The following TARS3 variants were observed in gnomAD, a reference collection of about 807,000 sequenced individuals.
TARS3 encodes threonine--tRNA ligase 2, cytoplasmic.
Under a neutral mutation model 103.5 loss-of-function variants are expected in TARS3, and 94 were observed. The ratio of observed to expected loss-of-function variants is 0.91; its 90% CI spans 0.77 to 1.08. TARS3 has a LOEUF of 1.08. TARS3 is among the 50% of genes least tolerant of loss of function. The pLI, the probability that TARS3 is intolerant of heterozygous loss-of-function variation, is 0.00. For missense variants in TARS3, 952 were observed against 995.2 expected (o/e 0.96, Z 0.58); for synonymous variants, 416 against 355.4 (o/e 1.17, Z -1.92).
chr15:101,707,145 T>A (rs1226179614), intron 6 of TARS3, among the ~76,000 whole-genome samples: 2 of 152,018 alleles, frequency 1.3e-5, no homozygotes, highest in African/African-American at 4.8e-5. Context: ...AGATACCACT[T>A]CACAACCATT....
chr15:101,676,905 A>C (rs1482502483), intron 12 of TARS3, among the ~76,000 whole-genome samples: 1 of 150,886 alleles, frequency 6.6e-6, no homozygotes, highest in Non-Finnish European at 1.5e-5. Context: ...TGAACCCGTC[A>C]CCTAAGTATT....
At position 101,711,154 on chromosome 15, in the gene TARS3, C is replaced by G. The variant is rs191447601; in HGVS notation, c.812+726G>C. ...AACTAGCCTCTCTCTAGGAATTAAGCTTTCAATTCTGGTCTTAATTAATAC... is the reference window on the plus strand; with the variant it reads ...AACTAGCCTCTCTCTAGGAATTAAGGTTTCAATTCTGGTCTTAATTAATAC... On this transcript the variant is annotated intron_variant, in intron 5 of 18. Transcript: ENST00000335968. Among the ~76,000 whole-genome samples the G allele has an allele frequency of 2.2e-3, 337 of 152,282 alleles. 1 individual carries two copies. Among genetic ancestry groups the G allele is most frequent in the African/African-American group, 7.6e-3 (315 of 41,554 alleles).
At chr15:101,662,271 GA>G (rs149604246) in intron 15 of TARS3, among the ~76,000 whole-genome samples, 3 of 150,020 alleles carry the variant, frequency 2.0e-5, no homozygotes, top group Non-Finnish European at 3.0e-5. Context: ...TTCCCCTTAG[GA>G]AAAAAAAATG....
At position 101,721,127 on chromosome 15, in the gene TARS3, T is replaced by A; in HGVS notation, c.565A>T (p.Ser189Cys). The change falls in exon 3 of 19, where the codon AGT becomes TGT. Residue 189 changes from serine (S) to cysteine (C), a missense_variant and splice_region_variant. Ser to Cys is a moderately radical substitution (Grantham distance 112). Transcript: ENST00000335968. ...TATCTTTTCCACACTGCGGTTTACC[T>A]AATTTCAGCAGCCACTTGGTAAGGC... ...TTPYQVAAEI[S>C]QELAESTVIA... 1 of 1,595,024 alleles carries A rather than the reference T, an allele frequency of 6.3e-7. No homozygotes were observed. Among genetic ancestry groups the A allele is most frequent in the East Asian group, 2.3e-5 (1 of 44,324 alleles).
In TARS3 at chr15:101,712,049, G is replaced by C. The variant is rs757056664; in HGVS notation, c.691-48C>G. On this transcript the variant is annotated intron_variant, in intron 4 of 18. Transcript: ENST00000335968. Reference sequence around the variant, plus strand: ...CCATTAGCTACCAAAAGTATGTCATGGAAAATTAGTAGTAAAATGATGTAA... The same window carrying C: ...CCATTAGCTACCAAAAGTATGTCATCGAAAATTAGTAGTAAAATGATGTAA... The C allele has an allele frequency of 2.4e-5, 38 of 1,563,258 alleles. No individual in the cohort carries two copies. The East Asian group carries it at 7.9e-4, about 32-fold the overall frequency.
intron 15 of TARS3, among the ~76,000 whole-genome samples, chr15:101,663,246 G>A (rs532309623): frequency 3.3e-5 from 5 of 152,142 alleles, no homozygotes; most frequent in Non-Finnish European, 5.9e-5. Flanking sequence ...ACAATGTGCA[G>A]GTTTGTTACA....
At chr15:101,669,963 GA>G (rs1034233492) in intron 15 of TARS3, among the ~76,000 whole-genome samples, 8 of 152,228 alleles carry the variant, frequency 5.3e-5, no homozygotes, top group African/African-American at 1.9e-4. Flanking sequence ...TCTGATGTGT[GA>G]ATAATGAGAC....
In TARS3 at chr15:101,705,683, C is replaced by T; in HGVS notation, c.995G>A (p.Arg332Lys). ...GCGTTTACCATGTGTGGACACAAAC[C>T]TGTACACGGTGGTAGTTGCAGTGTT... Reference protein sequence around the residue: ...KVNTATTTVYRCGPLIDLCKG... With the variant: ...KVNTATTTVYKCGPLIDLCKG... The change falls in exon 7 of 19, where the codon AGG becomes AAG. Residue 332 changes from arginine (R) to lysine (K), a missense_variant and splice_region_variant. Coordinates refer to ENST00000335968, the MANE Select transcript of TARS3 (RefSeq NM_152334.3). 3.1e-6 allele frequency: 5 copies of T among 1,610,410 alleles called. No homozygotes were observed. Among genetic ancestry groups the T allele is most frequent in the Non-Finnish European group, 4.2e-6 (5 of 1,177,794 alleles).
rs772749267 is a variant in TARS3, at chr15:101,711,997, T to C, written c.695A>G (p.Tyr232Cys). 4.3e-6 allele frequency: 7 copies of C among 1,612,112 alleles called. No homozygotes were observed. Among genetic ancestry groups the C allele is most frequent in the Middle Eastern group, 1.7e-4 (1 of 6,040 alleles). The change falls in exon 5 of 19, where the codon TAC becomes TGC. Residue 232 changes from tyrosine (Y) to cysteine (C), a missense_variant. Physicochemically the swap from Tyr to Cys is radical, Grantham distance 194. Around this residue, in one of 2 missense-constraint regions of TARS3, gnomAD observed 412 missense variants for 364.2 expected, o/e 1.13. Transcript: ENST00000335968. The part of the protein sequence containing the change: ...TFDNEEAQAV[Y>C]WHSSAHILGE... ...AAGAATGTGAGCACTGGAGTGCCAG[T>C]ACACCTGCATGGCATGGACAAAGAG...
intron 10 of TARS3, among the ~76,000 whole-genome samples, chr15:101,698,596 ACTAT>A (rs1899098917): frequency 6.6e-6 from 1 of 152,164 alleles, no homozygotes; most frequent in Non-Finnish European, 1.5e-5. Context: ...TTTGAGTAAG[ACTAT>A]CTATTGCATT....
intron 17 of TARS3, among the ~76,000 whole-genome samples, 164 bp from the exon 18 acceptor site, chr15:101,657,200 C>T (rs552968259): frequency 6.6e-6 from 1 of 152,218 alleles, no homozygotes; most frequent in Non-Finnish European, 1.5e-5. Context: ...GTCGGCGCAT[C>T]GTTTCTGAGA....
At chr15:101,665,631 A>G (rs867810448) in intron 15 of TARS3, among the ~76,000 whole-genome samples, 1 of 151,892 alleles carries the variant, frequency 6.6e-6, no homozygotes, top group Middle Eastern at 3.4e-3. Context: ...CTCTCATGTA[A>G]TGTTTATTTT....
chr15:101,709,837 C>T (rs915985844), intron 5 of TARS3, among the ~76,000 whole-genome samples: 6 of 152,220 alleles, frequency 3.9e-5, no homozygotes, highest in Admixed American at 3.9e-4. Flanking sequence ...TACTGTGATA[C>T]AGTAAGAAAC....
chr15:101,681,328 T>A (rs1397045540), intron 12 of TARS3, among the ~76,000 whole-genome samples: 2 of 152,224 alleles, frequency 1.3e-5, no homozygotes, highest in African/African-American at 4.8e-5. Flanking sequence ...TGCTTGGGTA[T>A]TGACTGGGAT....
At chr15:101,665,772 T>G (rs964095289) in intron 15 of TARS3, among the ~76,000 whole-genome samples, 2 of 152,238 alleles carry the variant, frequency 1.3e-5, no homozygotes, top group African/African-American at 4.8e-5. Flanking sequence ...GATTGAAGTT[T>G]TAAAATTTGC....
intron 15 of TARS3, 22 bp downstream of exon 15, chr15:101,671,464 T>C: frequency 1.3e-6 from 2 of 1,542,584 alleles, no homozygotes; most frequent in East Asian, 2.3e-5. Flanking sequence ...TACTATAATA[T>C]TTATCACATT....
chr15:101,689,225 G>A (rs965621141), intron 10 of TARS3, among the ~76,000 whole-genome samples: 1 of 151,760 alleles, frequency 6.6e-6, no homozygotes, highest in Non-Finnish European at 1.5e-5. Context: ...AAGGAGGACT[G>A]TGTCTGGAAT....
intron 15 of TARS3, among the ~76,000 whole-genome samples, chr15:101,670,019 CACAA>C (rs370771646): frequency 4.7e-4 from 71 of 152,306 alleles, no homozygotes; most frequent in Admixed American, 8.5e-4. Flanking sequence ...TCACATCTTA[CACAA>C]ACAATGAACT....
chr15:101,671,492 T>C lies in TARS3; in HGVS notation c.1961A>G (p.Tyr654Cys). ...FQLPIRFNLTYVSKDGDDKKR... is the reference protein window; with the variant it reads ...FQLPIRFNLTCVSKDGDDKKR... Reference sequence around the variant, plus strand: ...ATCACATTCAATCACTCACCTAACATATGTGAGATTAAATCTAATAGGCAG... The same window carrying C: ...ATCACATTCAATCACTCACCTAACACATGTGAGATTAAATCTAATAGGCAG... The change falls in exon 15 of 19, where the codon TAT (tyrosine) becomes TGT (cysteine). Residue 654 changes from tyrosine (Y) to cysteine (C), a missense_variant. Coordinates refer to ENST00000335968, the MANE Select transcript of TARS3 (RefSeq NM_152334.3). 1 of 1,602,122 alleles carries C rather than the reference T, an allele frequency of 6.2e-7. No individual in the cohort carries two copies.
Sources: allele counts gnomAD v4.1 joint callset (sites outside exome capture counted in the v4.1 genomes callset), GRCh38; gene constraint gnomAD v4.1.1; regional missense constraint gnomAD v4.1.1; transcripts MANE v1.5; gene names NCBI Gene and HGNC (gene_info 2026-07-23, HGNC 2026-07-21).